The following THUMPD1 variants were observed in gnomAD, a reference collection of about 807,000 sequenced individuals.
THUMPD1 encodes the protein THUMP domain 1 NAT10 acetyltransferase adaptor, also known as THUMP domain-containing protein 1.
THUMPD1 carries 31 observed loss-of-function variants against 31.6 expected under a neutral mutation model. The observed-to-expected ratio is 0.98, with a 90% CI of 0.74 to 1.32. The LOEUF (loss-of-function observed/expected upper bound fraction) is 1.32, where lower values mean the gene tolerates loss of function less well. Ranked by LOEUF, THUMPD1 falls within the 40% of genes most tolerant of loss-of-function variation. The pLI, the probability that THUMPD1 is intolerant of heterozygous loss-of-function variation, is 0.00. For missense variants in THUMPD1, 446 were observed against 427.8 expected (o/e 1.04, Z -0.38); for synonymous variants, 166 against 158.2 (o/e 1.05, Z -0.37).
chr16:20,739,195 A>T, intron 1 of THUMPD1, 124 bp from the exon 2 acceptor site: 1 of 960,478 alleles, frequency 1.0e-6, no homozygotes, highest in Non-Finnish European at 1.5e-6. Context: ...TTTTTTCTAA[A>T]GATGGAGTCT....
rs2152414031 is a variant in THUMPD1, at chr16:20,735,159, T to C, written c.*1721A>G. 6.6e-6 allele frequency: 1 copy of C among 152,348 alleles called. No individual in the cohort carries two copies. The highest frequency in any genetic ancestry group is 1.9e-4 in the East Asian group (1 of 5,192). The allele number at this position is 152,348 out of a possible 1,614,324, so 9.4% of individuals were successfully genotyped here. A position where few individuals can be genotyped will look rare whatever the true frequency, so the allele number is the denominator to read the frequency against. On this transcript the variant is annotated 3_prime_UTR_variant, in exon 4 of 4. Transcript: ENST00000396083. ...AACCTTTCAGAGACTTGTCCATTTGTTCATGTGATGAAAAACGTCTGCAAA... is the reference window on the plus strand; with the variant it reads ...AACCTTTCAGAGACTTGTCCATTTGCTCATGTGATGAAAAACGTCTGCAAA...
rs117455415 is a variant in THUMPD1 at position 20,736,460 on chromosome 16, C to T, written c.*420G>A. Reference sequence around the variant, plus strand: ...CACTAAACAATTCACTTCTAACCTACATGATCCACATTTTTGCAATGTTTA... The same window carrying T: ...CACTAAACAATTCACTTCTAACCTATATGATCCACATTTTTGCAATGTTTA... On this transcript the variant is annotated 3_prime_UTR_variant, in exon 4 of 4. Transcript: ENST00000396083. 6.3e-6 allele frequency: 1 copy of T among 159,324 alleles called. No individual in the cohort carries two copies. The highest frequency in any genetic ancestry group is 1.4e-5 in the Non-Finnish European group (1 of 72,918). 9.9% of individuals were successfully genotyped at this position (159,324 alleles called of 1,614,324 possible).
At position 20,738,925 on chromosome 16, in the gene THUMPD1, G is replaced by A. The variant is rs760579363; in HGVS notation, c.378C>T (p.Asn126=). ...TCCCAAGTGTCCTGATGAAGACAAC[G>A]TTATTTGCTCCACTTTCCACTGACT... ...RFQSVESGAN[N]VVFIRTLGIE... Residue 126 remains asparagine, a synonymous_variant, in exon 2 of 4, where the codon AAC becomes AAT. Coordinates refer to ENST00000396083, the MANE Select transcript of THUMPD1 (RefSeq NM_017736.5). 6.2e-7 allele frequency: 1 copy of A among 1,614,040 alleles called. No individual in the cohort carries two copies. Among genetic ancestry groups the A allele is most frequent in the African/African-American group, 1.3e-5 (1 of 74,918 alleles).
chr16:20,740,654 G>T (rs1209858134), intron 1 of THUMPD1, among the ~76,000 whole-genome samples: 2 of 152,162 alleles, frequency 1.3e-5, no homozygotes, highest in Non-Finnish European at 2.9e-5. Context: ...AGCTAGTAGA[G>T]GATGAGCCGT....
chr16:20,737,009 C>G lies in THUMPD1; in HGVS notation c.933G>C (p.Glu311Asp), dbSNP rs11074471. 6.2e-7 allele frequency: 1 copy of G among 1,613,856 alleles called. No homozygotes were observed. Among genetic ancestry groups the G allele is most frequent in the East Asian group, 2.2e-5 (1 of 44,876 alleles). Residue 311 changes from glutamate to aspartate, a missense_variant, in exon 4 of 4, where the codon GAG (glutamate) becomes GAC (aspartate). Coordinates refer to ENST00000396083, the MANE Select transcript of THUMPD1 (RefSeq NM_017736.5). ...AEGKNNQQVP[E>D]NTEELGQTKP... ...TTGTCTGCCCCAGCTCCTCAGTATT[C>G]TCTGGTACCTGCTGGTTATTTTTTC...
Position 20,736,734 on chromosome 16 carries a change from CTGCGCAATCAT to C in THUMPD1, c.*135_*145del. ...ATCCCTAAAAAAACTGTTAACAGGG[CTGCGCAATCAT>C]TGCTCACTACTGTGAGAACAGCATA... On this transcript the variant is annotated 3_prime_UTR_variant, in exon 4 of 4. Transcript: ENST00000396083. The C allele has an allele frequency of 1.3e-6, 1 of 773,238 alleles. No individual in the cohort carries two copies. The highest frequency in any genetic ancestry group is 2.0e-6 in the Non-Finnish European group (1 of 490,424). The allele number at this position is 773,238 out of a possible 1,614,324, so 47.9% of individuals were successfully genotyped here.
rs2152412461 is a variant in THUMPD1 at position 20,734,247 on chromosome 16, G to A, written c.*2633C>T. The A allele has an allele frequency of 6.5e-6, 1 of 152,680 alleles. No individual in the cohort carries two copies. The highest frequency in any genetic ancestry group is 1.9e-4 in the East Asian group (1 of 5,182). The allele number at this position is 152,680 out of a possible 1,614,324, so 9.5% of individuals were successfully genotyped here. A position where few individuals can be genotyped will look rare whatever the true frequency, so the allele number is the denominator to read the frequency against. On this transcript the variant is annotated 3_prime_UTR_variant, in exon 4 of 4. Coordinates refer to ENST00000396083, the MANE Select transcript of THUMPD1 (RefSeq NM_017736.5). ...AGGCATATGGCCAATTTTCTTCCGA[G>A]TCCTTTTGTCTTGCACTATCAAAAT...
intron 1 of THUMPD1, among the ~76,000 whole-genome samples, chr16:20,740,479 G>A (rs1449011298): frequency 6.6e-6 from 1 of 152,212 alleles, no homozygotes; most frequent in Non-Finnish European, 1.5e-5. Context: ...AGTGCCCAAC[G>A]AAATTGCCAG....
chr16:20,741,375 G>T, intron 1 of THUMPD1, 134 bp downstream of exon 1: 1 of 1,142,932 alleles, frequency 8.7e-7, no homozygotes, highest in Non-Finnish European at 1.2e-6. Flanking sequence ...GGAAACGCCG[G>T]CGAGGCCACG....
Position 20,737,705 on chromosome 16 carries a change from T to A in THUMPD1, c.655+3A>T. 2 of 1,602,832 alleles carry A rather than the reference T, an allele frequency of 1.2e-6. No individual in the cohort carries two copies. The highest frequency in any genetic ancestry group is 1.7e-6 in the Non-Finnish European group (2 of 1,174,478). On this transcript the variant is annotated splice_donor_region_variant and intron_variant, in intron 3 of 3. Coordinates refer to ENST00000396083, the MANE Select transcript of THUMPD1 (RefSeq NM_017736.5). ...CTATGGAAAATCACTAAGAGAAACA[T>A]ACCTGCCAATTCTCTGATAACTTCT... is the stretch of plus-strand genomic sequence containing the variant.
chr16:20,741,481 G>GGGGGGGGGGGCCCCCCCCCCCCCCCC, intron 1 of THUMPD1, 28 bp downstream of exon 1: 2 of 1,308,414 alleles, frequency 1.5e-6, no homozygotes, highest in Non-Finnish European at 2.0e-6. Context: ...CTGGCAGCCG[G>GGGGGGGGGGGCCCCCCCCCCCCCCCC]CCCGCCCGCC....
intron 1 of THUMPD1, among the ~76,000 whole-genome samples, chr16:20,741,237 CCT>C (rs1249668341): frequency 2.6e-5 from 4 of 152,144 alleles, no homozygotes; most frequent in Non-Finnish European, 5.9e-5. Flanking sequence ...AGAGCGAGAC[CCT>C]GTCTCACAAA....
intron 1 of THUMPD1, 66 bp downstream of exon 1, chr16:20,741,443 C>T (rs1034359309): frequency 1.2e-5 from 18 of 1,465,746 alleles, no homozygotes; most frequent in Admixed American, 2.5e-5. Flanking sequence ...AGCAGCCATC[C>T]CTCCACCCTT....
intron 1 of THUMPD1, among the ~76,000 whole-genome samples, chr16:20,741,008 T>C (rs893087929): frequency 5.3e-5 from 8 of 152,174 alleles, no homozygotes; most frequent in African/African-American, 1.9e-4. Flanking sequence ...CTCGCGCCTG[T>C]AATCTCAGCA....
intron 2 of THUMPD1, chr16:20,738,692 G>T (rs1239062733): frequency 3.5e-6 from 2 of 577,818 alleles, no homozygotes; most frequent in Non-Finnish European, 6.1e-6. Context: ...AAGCAGCAAA[G>T]CCAGGTTTCC....
At chr16:20,739,715 G>C (rs1043695284) in intron 1 of THUMPD1, among the ~76,000 whole-genome samples, 50 of 151,882 alleles carry the variant, frequency 3.3e-4, no homozygotes, top group African/African-American at 1.2e-3. Context: ...CAGCTACTCA[G>C]GAGGCTGAGG....
At position 20,736,976 on chromosome 16, in the gene THUMPD1, C is replaced by A. The variant is rs369783164; in HGVS notation, c.966G>T (p.Thr322=). 2.0e-5 allele frequency: 33 copies of A among 1,613,968 alleles called. No individual in the cohort carries two copies. The highest frequency in any genetic ancestry group is 1.6e-4 in the Middle Eastern group (1 of 6,084). ...CCTCATTTACCACCTGTGGATTAGA[C>A]GTTGGTTTTGTCTGCCCCAGCTCCT... ...NTEELGQTKP[T]SNPQVVNEGG... The change falls in exon 4 of 4, where the codon ACG becomes ACT. Residue 322 remains threonine (T), a synonymous_variant. Coordinates refer to ENST00000396083, the MANE Select transcript of THUMPD1 (RefSeq NM_017736.5).
At chr16:20,738,221 T>C in intron 2 of THUMPD1, 1 of 514,402 alleles carries the variant, frequency 1.9e-6, no homozygotes, top group South Asian at 1.5e-5. Context: ...TTGTTAACAT[T>C]TTTGTGATGT....
chr16:20,737,227 CT>C lies in THUMPD1; in HGVS notation c.714del (p.Val239TrpfsTer2), dbSNP rs1266311009. 6.2e-7 allele frequency: 1 copy of C among 1,614,210 alleles called. No individual in the cohort carries two copies. Among genetic ancestry groups the C allele is most frequent in the East Asian group, 2.2e-5 (1 of 44,890 alleles). On this transcript the variant is annotated frameshift_variant, in exon 4 of 4. Transcript: ENST00000396083. LOFTEE classifies it low-confidence loss of function (END_TRUNC). ...NKVDLTNPQYTVVVEIIKAVC... is the reference protein window; with the variant it reads ...NKVDLTNPQYXVVVEIIKAVC... ...ACAGCTTTGATGATTTCTACTACCA[CT>C]GTGTACTGTGGATTGGTGAGATCCA... is the stretch of plus-strand genomic sequence containing the variant.
Sources: gnomAD v4.1 joint callset for allele counts (sites outside exome capture counted in the v4.1 genomes callset) on GRCh38, gnomAD v4.1.1 for gene constraint, MANE v1.5 for transcripts, NCBI Gene and HGNC (gene_info 2026-07-23, HGNC 2026-07-21) for gene names.